STXBP5: variants seen among roughly 807,000 people sequenced by gnomAD.
The protein encoded by STXBP5 is syntaxin-binding protein 5.
Under a neutral mutation model 152.4 loss-of-function variants are expected in STXBP5, and 50 were observed. The ratio of observed to expected loss-of-function variants is 0.33; its 90% CI spans 0.26 to 0.42. STXBP5 has a LOEUF of 0.42. STXBP5 is among the 10% of genes least tolerant of loss of function. The probability of loss-of-function intolerance (pLI) is 1.00; values close to 1 mark genes in which losing one functional copy is unlikely to be tolerated. For synonymous variants in STXBP5, 492 were observed against 494.7 expected, an observed-to-expected ratio of 0.99 and a Z score of 0.07; for missense variants, 1,167 against 1,388.6, an observed-to-expected ratio of 0.84 and a Z score of 2.54.
intron 25 of STXBP5, among the ~76,000 whole-genome samples, chr6:147,367,795 A>G (rs923660170): frequency 6.6e-6 from 1 of 152,162 alleles, no homozygotes; most frequent in Non-Finnish European, 1.5e-5. Flanking sequence ...TGAAGAAAGA[A>G]GTTATAAACT....
chr6:147,348,730 T>G (rs1784451955), intron 21 of STXBP5, among the ~76,000 whole-genome samples: 1 of 152,176 alleles, frequency 6.6e-6, no homozygotes, highest in Admixed American at 6.6e-5. Context: ...TGCAAAGATT[T>G]ATGTACAACA....
intron 4 of STXBP5, among the ~76,000 whole-genome samples, chr6:147,254,686 C>T (rs572607780): frequency 3.3e-5 from 5 of 152,178 alleles, no homozygotes; most frequent in Admixed American, 6.5e-5. Context: ...CAAATGAAGA[C>T]ATTTATGCAG....
chr6:147,299,330 C>A (rs1321124382), intron 9 of STXBP5, among the ~76,000 whole-genome samples: 2 of 151,148 alleles, frequency 1.3e-5, no homozygotes, highest in Non-Finnish European at 3.0e-5. Flanking sequence ...TTTCAACAGA[C>A]CAATAACAAG....
At chr6:147,327,330 C>T in intron 18 of STXBP5, 54 bp downstream of exon 18, 1 of 1,565,598 alleles carries the variant, frequency 6.4e-7, no homozygotes. Flanking sequence ...TAAATGCTGG[C>T]TTACTTTTGT....
chr6:147,292,251 G>A (rs1307878312), intron 9 of STXBP5: 1 of 451,494 alleles, frequency 2.2e-6, no homozygotes, highest in Non-Finnish European at 4.4e-6. Context: ...TTCTTTTTAG[G>A]GTTTGTTGAG....
intron 9 of STXBP5, among the ~76,000 whole-genome samples, chr6:147,299,258 A>G (rs1481558304): frequency 6.6e-6 from 1 of 151,728 alleles, no homozygotes; most frequent in Admixed American, 6.6e-5. Context: ...CTAAAAAAAA[A>G]AAGTGTATGA....
intron 9 of STXBP5, 60 bp from the exon 10 acceptor site, chr6:147,310,024 G>A: frequency 8.5e-7 from 1 of 1,182,106 alleles, no homozygotes; most frequent in Non-Finnish European, 1.1e-6. Flanking sequence ...AAATTATGAT[G>A]TAGCAAGAAA....
chr6:147,384,876 C>A lies in STXBP5; in HGVS notation c.*121C>A. 1 of 966,616 alleles carries A rather than the reference C, an allele frequency of 1.0e-6. No homozygotes were observed. The highest frequency in any genetic ancestry group is 1.6e-6 in the Non-Finnish European group (1 of 623,750). The allele number at this position is 966,616 out of a possible 1,614,324, so 59.9% of individuals were successfully genotyped here. On this transcript the variant is annotated 3_prime_UTR_variant, in exon 28 of 28. Coordinates refer to ENST00000321680, the MANE Select transcript of STXBP5 (RefSeq NM_001127715.4). ...GTCACTGAATACTGTTCTTTCCTAG[C>A]ACAGTCATGCACTGTTTTACCTCAG...
At chr6:147,280,147 G>T (rs1452127132) in intron 8 of STXBP5, among the ~76,000 whole-genome samples, 2 of 151,096 alleles carry the variant, frequency 1.3e-5, no homozygotes, top group Non-Finnish European at 1.5e-5. Context: ...GATTAGATTT[G>T]GTTGTCATGT....
At chr6:147,234,321 A>AAGTT (rs1778162236) in intron 2 of STXBP5, among the ~76,000 whole-genome samples, 1 of 151,922 alleles carries the variant, frequency 6.6e-6, no homozygotes, top group Non-Finnish European at 1.5e-5. Flanking sequence ...GGTAAAATGC[A>AAGTT]TATAACAGTG....
intron 4 of STXBP5, among the ~76,000 whole-genome samples, chr6:147,250,256 G>C (rs1439928211): frequency 1.3e-5 from 2 of 152,000 alleles, no homozygotes; most frequent in Non-Finnish European, 2.9e-5. Flanking sequence ...TTGCCACAAC[G>C]AATTTCAAGA....
chr6:147,371,724 C>T (rs1158996399), intron 25 of STXBP5, among the ~76,000 whole-genome samples: 1 of 152,088 alleles, frequency 6.6e-6, no homozygotes, highest in East Asian at 1.9e-4. Flanking sequence ...TCTTACTTTA[C>T]CCTTGTAAAA....
chr6:147,247,444 T>A (rs1252644158), intron 4 of STXBP5, among the ~76,000 whole-genome samples: 2 of 152,310 alleles, frequency 1.3e-5, no homozygotes, highest in African/African-American at 2.4e-5. Flanking sequence ...ATGGAAATGA[T>A]GAGTCATCTT....
intron 2 of STXBP5, among the ~76,000 whole-genome samples, chr6:147,210,457 C>T (rs1020011270): frequency 6.6e-6 from 1 of 152,012 alleles, no homozygotes; most frequent in African/African-American, 2.4e-5. Flanking sequence ...TATTTAAGGT[C>T]ATTAGTAGCT....
At chr6:147,317,157 G>C (rs1373188150) in intron 16 of STXBP5, among the ~76,000 whole-genome samples, 3 of 152,154 alleles carry the variant, frequency 2.0e-5, no homozygotes, top group Non-Finnish European at 4.4e-5. Context: ...TAGGTTCAAG[G>C]TAGAGAGGGT....
chr6:147,204,484 G>A lies in STXBP5; in HGVS notation c.-49G>A. The A allele has an allele frequency of 6.3e-7, 1 of 1,594,522 alleles. No homozygotes were observed. Among genetic ancestry groups the A allele is most frequent in the Non-Finnish European group, 8.5e-7 (1 of 1,172,292 alleles). On this transcript the variant is annotated 5_prime_UTR_variant, in exon 1 of 28. Transcript: ENST00000321680. This position sits in a 1 kb window ranked among gnomAD's most constrained non-coding sequence, Gnocchi z 4.3. The stretch of plus-strand genomic sequence containing the variant: ...CCCCGGGTGGTCTCCCCCGCCCGGG[G>A]ACCCCCTGTGCCTCCCCTCCCGGGC...
intron 21 of STXBP5, among the ~76,000 whole-genome samples, chr6:147,343,625 G>A (rs1784188952): frequency 6.6e-6 from 1 of 152,028 alleles, no homozygotes; most frequent in South Asian, 2.1e-4. Context: ...TCAACTATCT[G>A]CTTTTGCTTT....
chr6:147,329,871 C>A (rs2128389342), intron 18 of STXBP5, among the ~76,000 whole-genome samples: 1 of 152,134 alleles, frequency 6.6e-6, no homozygotes, highest in East Asian at 1.9e-4. Flanking sequence ...TCATGATCCG[C>A]CCGCCTCGGC....
intron 7 of STXBP5, among the ~76,000 whole-genome samples, chr6:147,271,890 A>G (rs544586761): frequency 1.3e-5 from 2 of 152,076 alleles, no homozygotes; most frequent in South Asian, 2.1e-4. Context: ...AGTGGTGAGG[A>G]AAAAAAAGAC....
Sources: gnomAD v4.1 joint callset for allele counts (sites outside exome capture counted in the v4.1 genomes callset) on GRCh38, gnomAD v4.1.1 for gene constraint, Gnocchi (gnomAD v3.1) non-coding constraint, MANE v1.5 for transcripts, NCBI Gene and HGNC (gene_info 2026-07-23, HGNC 2026-07-21) for gene names.